Variants in NLRC5 observed in about 807,000 individuals in gnomAD.
NLRC5 encodes the protein protein NLRC5.
A neutral mutation model predicts 206.9 loss-of-function variants in NLRC5; 114 were observed. The observed-to-expected ratio is 0.55, with a 90% CI of 0.47 to 0.64. NLRC5 has a LOEUF of 0.64. Among genes scored for constraint, NLRC5 ranks in the 30% least tolerant of loss-of-function variants. The pLI is 0.00. For synonymous variants in NLRC5, 952 were observed against 962.8 expected, an observed-to-expected ratio of 0.99 and a Z score of 0.21; for missense variants, 2,008 against 2,305.5, an observed-to-expected ratio of 0.87 and a Z score of 2.64.
At chr16:57,080,272 G>C (rs1228464035) in intron 46 of NLRC5, among the ~76,000 whole-genome samples, 1 of 152,134 alleles carries the variant, frequency 6.6e-6, no homozygotes, top group African/African-American at 2.4e-5. Flanking sequence ...GAAAGTCTCA[G>C]ATCAGTGGTA....
At chr16:57,023,732 C>A in intron 4 of NLRC5, 53 bp from the exon 5 acceptor site, 2 of 1,511,308 alleles carry the variant, frequency 1.3e-6, no homozygotes, top group Non-Finnish European at 9.1e-7. Flanking sequence ...TGGGTAACCC[C>A]TCAGCCCAGA....
In NLRC5 at chr16:57,051,648, C is replaced by T. The variant is rs372772288; in HGVS notation, c.3506+27C>T. ...TAAGACGAGAGTTTTTCCTATTTCCCGGTTCCTTGTGCTCGTGTTTCTAAG... is the reference window on the plus strand; with the variant it reads ...TAAGACGAGAGTTTTTCCTATTTCCTGGTTCCTTGTGCTCGTGTTTCTAAG... On this transcript the variant is annotated intron_variant, in intron 24 of 48. Transcript: ENST00000688547. 9.1e-5 allele frequency: 144 copies of T among 1,582,052 alleles called. 2 individuals carry two copies. The highest frequency in any genetic ancestry group is 1.4e-4 in the South Asian group (13 of 90,402).
chr16:57,074,993 G>A (rs1175235266), intron 39 of NLRC5, among the ~76,000 whole-genome samples: 2 of 124,738 alleles, frequency 1.6e-5, no homozygotes, highest in East Asian at 4.9e-4. Context: ...CTGGAATTCT[G>A]CCTAGACTGT....
intron 1 of NLRC5, among the ~76,000 whole-genome samples, chr16:57,008,860 G>C (rs1460126023): frequency 6.6e-6 from 1 of 151,860 alleles, no homozygotes; most frequent in African/African-American, 2.4e-5. Flanking sequence ...ACTAGAAAAG[G>C]GACCATTCCA....
intron 24 of NLRC5, 69 bp from the exon 25 acceptor site, chr16:57,054,682 C>G: frequency 6.2e-5 from 36 of 576,672 alleles, no homozygotes; most frequent in East Asian, 1.6e-4. Context: ...CCCTCCCTTT[C>G]CTTACCCTCC....
Position 57,082,708 on chromosome 16 carries a change from G to T in NLRC5, c.*180G>T, listed in dbSNP as rs1474928805. ...CAGGGAGAACTTTTTTGGGAACCAG[G>T]AGCTGGGTCTGGACAAAGGAGTACC... On this transcript the variant is annotated 3_prime_UTR_variant, in exon 49 of 49. Coordinates refer to ENST00000688547, the MANE Select transcript of NLRC5 (RefSeq NM_001384950.1). The T allele has an allele frequency of 3.5e-6, 2 of 566,180 alleles. No homozygotes were observed. The highest frequency in any genetic ancestry group is 6.3e-6 in the Non-Finnish European group (2 of 318,808). 35.1% of individuals were successfully genotyped at this position (566,180 alleles called of 1,614,324 possible).
rs764452024 is a variant in NLRC5 at position 57,067,841 on chromosome 16, GA to G, written c.4499+14del. The G allele has an allele frequency of 2.5e-6, 4 of 1,603,622 alleles. No homozygotes were observed. Among genetic ancestry groups the G allele is most frequent in the South Asian group, 1.1e-5 (1 of 90,904 alleles). ...TGAAGACATTTCGGTATGTAGACAAGACATTCACTCAGTCCCCTTTGCAGCT... is the reference window on the plus strand; with the variant it reads ...TGAAGACATTTCGGTATGTAGACAAGCATTCACTCAGTCCCCTTTGCAGCT... On this transcript the variant is annotated intron_variant, in intron 36 of 48. Transcript: ENST00000688547.
chr16:57,045,910 T>C (rs923254045), intron 21 of NLRC5, among the ~76,000 whole-genome samples: 6 of 152,202 alleles, frequency 3.9e-5, no homozygotes, highest in Non-Finnish European at 7.3e-5. Context: ...AAAAACATTT[T>C]CCCCGTCTTC....
intron 40 of NLRC5, 56 bp from the exon 41 acceptor site, chr16:57,077,240 G>C: frequency 1.3e-6 from 2 of 1,490,024 alleles, no homozygotes; most frequent in Admixed American, 1.7e-5. Flanking sequence ...TTCTGGGAGT[G>C]GGGTGTGGAC....
chr16:57,024,184 G>A (rs975776952), intron 5 of NLRC5, among the ~76,000 whole-genome samples: 11 of 152,306 alleles, frequency 7.2e-5, no homozygotes, highest in Admixed American at 3.9e-4. Flanking sequence ...AGGAGACCCA[G>A]GGAGGAGACC....
At chr16:57,028,846 C>G (rs1476939863) in intron 8 of NLRC5, among the ~76,000 whole-genome samples, 1 of 152,204 alleles carries the variant, frequency 6.6e-6, no homozygotes, top group Non-Finnish European at 1.5e-5. Flanking sequence ...CACACATGCA[C>G]CTTTAACTAC....
At chr16:57,016,822 G>A (rs1459687555) in intron 1 of NLRC5, among the ~76,000 whole-genome samples, 1 of 152,190 alleles carries the variant, frequency 6.6e-6, no homozygotes, top group African/African-American at 2.4e-5. Context: ...GGAGGAGGAA[G>A]AGGGGCATCC....
In NLRC5 at chr16:57,036,048, T is replaced by C. The variant is rs76692345; in HGVS notation, c.2628-52T>C. On this transcript the variant is annotated intron_variant, in intron 13 of 48. Transcript: ENST00000688547. ...GCAAAGGAGGAGTAAGTGATGGGGA[T>C]TGAGGGAGGACTCCAGCCCCACAAT... The C allele has an allele frequency of 3.6e-4, 545 of 1,534,332 alleles. 2 individuals are homozygous for C. The African/African-American group carries it at 6.6e-3, about 18-fold the overall frequency.
intron 32 of NLRC5, among the ~76,000 whole-genome samples, chr16:57,063,667 C>A (rs1434707351): frequency 7.3e-5 from 11 of 150,098 alleles, no homozygotes; most frequent in Admixed American, 6.6e-4. Flanking sequence ...TAGGCGTGAG[C>A]CACCATGCCC....
intron 34 of NLRC5, 69 bp downstream of exon 34, chr16:57,066,683 C>T: frequency 2.3e-6 from 3 of 1,326,618 alleles, no homozygotes; most frequent in Non-Finnish European, 1.1e-6. Context: ...TGCTTCTGAC[C>T]AATATTCACC....
chr16:56,996,999 A>G (rs1489828989), intron 1 of NLRC5, among the ~76,000 whole-genome samples: 2 of 152,032 alleles, frequency 1.3e-5, no homozygotes, highest in African/African-American at 4.8e-5. Flanking sequence ...CCTCCCAAAT[A>G]GCTGGGACTA....
chr16:57,083,097 G>C lies in NLRC5; in HGVS notation c.*569G>C, dbSNP rs2069331556. The C allele has an allele frequency of 6.6e-6, 1 of 152,408 alleles. No homozygotes were observed. Among genetic ancestry groups the C allele is most frequent in the Admixed American group, 6.5e-5 (1 of 15,290 alleles). The allele number at this position is 152,408 out of a possible 1,614,324, so 9.4% of individuals were successfully genotyped here. On this transcript the variant is annotated 3_prime_UTR_variant, in exon 49 of 49. Coordinates refer to ENST00000688547, the MANE Select transcript of NLRC5 (RefSeq NM_001384950.1). ...AAGTCTTCCGCCCGAGCTGGGAGGG[G>C]AGAGTGTCCATGCACTGACCAGTCC...
intron 46 of NLRC5, among the ~76,000 whole-genome samples, chr16:57,080,332 T>A (rs1451363114): frequency 6.6e-6 from 1 of 152,124 alleles, no homozygotes; most frequent in Admixed American, 6.6e-5. Context: ...ACCAAAAGGG[T>A]TAAAAACCCA....
intron 38 of NLRC5, 28 bp from the exon 39 acceptor site, chr16:57,074,572 C>G: frequency 6.2e-7 from 1 of 1,608,276 alleles, no homozygotes; most frequent in Non-Finnish European, 8.5e-7. Flanking sequence ...CCCCAGATGT[C>G]AAGTTCACCT....
Sources: allele counts gnomAD v4.1 joint callset (sites outside exome capture counted in the v4.1 genomes callset), GRCh38; gene constraint gnomAD v4.1.1; transcripts MANE v1.5; gene names NCBI Gene and HGNC (gene_info 2026-07-23, HGNC 2026-07-21).